TCF12: variants seen among roughly 807,000 people sequenced by gnomAD.
TCF12 encodes the protein DNA-binding protein HTF4.
Under a neutral mutation model 86.0 loss-of-function variants are expected in TCF12, and 45 were observed. That is an observed-to-expected ratio of 0.52 (90% CI 0.41 to 0.67). TCF12 has a LOEUF of 0.67. Among genes scored for constraint, TCF12 ranks in the 30% least tolerant of loss-of-function variants. The pLI, the probability that TCF12 is intolerant of heterozygous loss-of-function variation, is 0.00. For missense variants in TCF12, 881 were observed against 859.9 expected (o/e 1.02, Z -0.31); for synonymous variants, 330 against 299.6 (o/e 1.10, Z -1.05).
intron 3 of TCF12, among the ~76,000 whole-genome samples, chr15:56,937,639 T>A (rs1464607024): frequency 1.3e-5 from 2 of 152,144 alleles, no homozygotes; most frequent in Non-Finnish European, 2.9e-5. Context: ...TCGGAGGGAA[T>A]GCTTTCAACT....
chr15:56,984,014 A>AAAAAAAAAAAAAAAAAAAAAAAAAG lies in TCF12; in HGVS notation c.148+62918_148+62919insAAAAAAAAAAAAAAAAAAAAAAGAA, dbSNP rs777234282. 2.3e-3 allele frequency among the ~76,000 whole-genome samples: 243 copies of AAAAAAAAAAAAAAAAAAAAAAAAAG among 104,334 alleles called. 8 individuals are homozygous for AAAAAAAAAAAAAAAAAAAAAAAAAG. Among genetic ancestry groups the AAAAAAAAAAAAAAAAAAAAAAAAAG allele is most frequent in the Admixed American group, 4.4e-3 (37 of 8,480 alleles). 68.4% of individuals were successfully genotyped at this position (104,334 alleles called of 152,430 possible). On this transcript the variant is annotated intron_variant, in intron 3 of 20. Transcript: ENST00000333725. ...GAGACCCTGTCTCAAAAAAAAAAAA[A>AAAAAAAAAAAAAAAAAAAAAAAAAG]AAGAAGAAGAAGAATTTTGGATCAA...
intron 5 of TCF12, among the ~76,000 whole-genome samples, chr15:57,165,809 T>A (rs1209865267): frequency 2.0e-5 from 3 of 152,230 alleles, no homozygotes; most frequent in Non-Finnish European, 4.4e-5. Context: ...GTGCTGGGAT[T>A]ACAGGCGTGA....
chr15:57,032,498 G>A (rs1766732024), intron 3 of TCF12, among the ~76,000 whole-genome samples: 1 of 152,144 alleles, frequency 6.6e-6, no homozygotes, highest in East Asian at 1.9e-4. Context: ...GCACAATCAG[G>A]GCTCGCAGCA....
intron 6 of TCF12, among the ~76,000 whole-genome samples, chr15:57,178,790 C>T (rs1225464705): frequency 2.0e-5 from 3 of 152,180 alleles, no homozygotes; most frequent in African/African-American, 4.8e-5. Flanking sequence ...AGACTGCCTT[C>T]AAAAAATCCC....
intron 3 of TCF12, among the ~76,000 whole-genome samples, chr15:57,023,404 C>G (rs1050457171): frequency 6.6e-5 from 10 of 151,892 alleles, no homozygotes; most frequent in Admixed American, 2.0e-4. Context: ...GAGTAACCAC[C>G]CCTCCCCATT....
At chr15:57,201,940 G>A (rs2057560810) in intron 8 of TCF12, among the ~76,000 whole-genome samples, 1 of 151,972 alleles carries the variant, frequency 6.6e-6, no homozygotes, top group Non-Finnish European at 1.5e-5. Context: ...GTTTTTTCCT[G>A]GTAATTTGTC....
At chr15:57,070,271 T>C (rs149644110) in intron 4 of TCF12, among the ~76,000 whole-genome samples, 1 of 152,276 alleles carries the variant, frequency 6.6e-6, no homozygotes, top group Non-Finnish European at 1.5e-5. Context: ...CTGATACCTA[T>C]AGCAATAAAG....
In TCF12 at chr15:57,282,573, A is replaced by C. The variant is rs374014354; in HGVS notation, c.2107A>C (p.Met703Leu). The change falls in exon 20 of 21, where the codon ATG (methionine) becomes CTG (leucine). Residue 703 changes from methionine to leucine, a missense_variant. By Grantham distance (15) the Met-to-Leu change is conservative (BLOSUM62 2). Coordinates refer to ENST00000333725, the MANE Select transcript of TCF12 (RefSeq NM_207037.2). ...HPGLSETTNP[M>L]GHM is the part of the protein sequence containing the mutation. ...TGGGCTTAGTGAAACTACCAACCCT[A>C]TGGGTCATATGTAAACATCAGCCAG... 2.5e-6 allele frequency: 4 copies of C among 1,613,720 alleles called. No homozygotes were observed. In the South Asian group the frequency reaches 4.4e-5, roughly 18 times the overall value.
chr15:57,118,221 G>C (rs2050976868), intron 5 of TCF12: 1 of 152,196 alleles, frequency 6.6e-6, no homozygotes, highest in Non-Finnish European at 1.5e-5. Flanking sequence ...TACAGCAAAC[G>C]TCAATAACAA....
chr15:57,120,898 T>G (rs1047907516), intron 5 of TCF12, among the ~76,000 whole-genome samples: 2 of 152,132 alleles, frequency 1.3e-5, no homozygotes, highest in Admixed American at 1.3e-4. Flanking sequence ...GGAGGATCAC[T>G]TGGACCCAGG....
intron 3 of TCF12, among the ~76,000 whole-genome samples, chr15:57,018,071 T>TA (rs2141225910): frequency 6.6e-6 from 1 of 152,300 alleles, no homozygotes; most frequent in East Asian, 1.9e-4. Context: ...TTTAGGACAC[T>TA]AAAGTGTCGA....
intron 3 of TCF12, among the ~76,000 whole-genome samples, chr15:57,039,697 CT>C (rs1210881784): frequency 3.3e-5 from 5 of 152,124 alleles, no homozygotes; most frequent in African/African-American, 1.2e-4. Flanking sequence ...GTGGGTTATG[CT>C]TACTTATTAA....
chr15:57,140,434 T>G (rs2052875432), intron 5 of TCF12, among the ~76,000 whole-genome samples: 1 of 152,186 alleles, frequency 6.6e-6, no homozygotes, highest in African/African-American at 2.4e-5. Context: ...CAACAACCCT[T>G]GAGTATTTTA....
chr15:57,050,803 T>C lies in TCF12; in HGVS notation c.149-12947T>C, dbSNP rs528355293. Among the ~76,000 whole-genome samples the C allele has an allele frequency of 3.3e-5, 5 of 152,344 alleles. No homozygotes were observed. In the East Asian group the frequency reaches 9.6e-4, roughly 29 times the overall value. On this transcript the variant is annotated intron_variant, in intron 3 of 20. Coordinates refer to ENST00000333725, the MANE Select transcript of TCF12 (RefSeq NM_207037.2). The stretch of plus-strand genomic sequence containing the variant: ...TGCTGCTCCAGTCCATTGTTAAGCT[T>C]ATCCAGTGAAATTTTCATTTCAGAT...
At chr15:57,264,194 G>GTTTT (rs1567013145) in intron 18 of TCF12, among the ~76,000 whole-genome samples, 2 of 15,454 alleles carry the variant, frequency 1.3e-4, no homozygotes, top group African/African-American at 1.9e-4. Context: ...TCTTTTGTAA[G>GTTTT]CTTTTTTTTT....
At chr15:57,225,568 G>A (rs1323460099) in intron 8 of TCF12, among the ~76,000 whole-genome samples, 1 of 151,982 alleles carries the variant, frequency 6.6e-6, no homozygotes, top group Non-Finnish European at 1.5e-5. Flanking sequence ...TTTTATCTGA[G>A]GATGTATATA....
At chr15:57,266,947 T>C (rs2060898158) in intron 18 of TCF12, among the ~76,000 whole-genome samples, 1 of 152,180 alleles carries the variant, frequency 6.6e-6, no homozygotes, top group Non-Finnish European at 1.5e-5. Context: ...GAAGATTGCT[T>C]GAGTTCAGAA....
intron 6 of TCF12, among the ~76,000 whole-genome samples, chr15:57,187,216 C>G (rs532307956): frequency 1.3e-5 from 2 of 151,446 alleles, no homozygotes; most frequent in East Asian, 1.9e-4. Context: ...AACACTCTTT[C>G]ATGATGATAA....
intron 4 of TCF12, among the ~76,000 whole-genome samples, chr15:57,067,911 A>G (rs1379017526): frequency 6.6e-6 from 1 of 152,202 alleles, no homozygotes; most frequent in Non-Finnish European, 1.5e-5. Context: ...CTAGTTAATG[A>G]GTTTGTTCCC....
Sources: gnomAD v4.1 joint callset for allele counts (sites outside exome capture counted in the v4.1 genomes callset) on GRCh38, gnomAD v4.1.1 for gene constraint, MANE v1.5 for transcripts, NCBI Gene and HGNC (gene_info 2026-07-23, HGNC 2026-07-21) for gene names.